The following HEMK2 variants were observed in gnomAD, a reference collection of about 807,000 sequenced individuals.
HEMK2 encodes the protein methyltransferase HEMK2.
At chr21:28,644,015 C>G in the HEMK2 span, among the ~76,000 whole-genome samples, 1 of 152,212 alleles carries the variant, frequency 6.6e-6, no homozygotes, top group Non-Finnish European at 1.5e-5. Context: ...GCAACACTTA[C>G]CTCCCAATTC....
At chr21:28,859,422 T>C in the HEMK2 span, among the ~76,000 whole-genome samples, 13 of 152,296 alleles carry the variant, frequency 8.5e-5, no homozygotes, top group African/African-American at 2.2e-4. Flanking sequence ...GTTTACCAAT[T>C]CAGATGTCAA....
chr21:28,672,725 C>A, the HEMK2 span, among the ~76,000 whole-genome samples: 1 of 152,080 alleles, frequency 6.6e-6, no homozygotes, highest in Non-Finnish European at 1.5e-5. Context: ...TGACTCAAAG[C>A]AACCAAATGC....
chr21:28,712,592 A>G, the HEMK2 span, among the ~76,000 whole-genome samples: 2 of 152,204 alleles, frequency 1.3e-5, no homozygotes, highest in Admixed American at 6.5e-5. Flanking sequence ...AGGCAGAGGA[A>G]CCAACAATCA....
At chr21:28,617,303 A>C in the HEMK2 span, among the ~76,000 whole-genome samples, 951 of 152,348 alleles carry the variant, frequency 6.2e-3, 15 homozygotes, top group African/African-American at 0.022. Context: ...AGAGGGAGGC[A>C]GGGAGAACAG....
chr21:28,588,579 C>T, the HEMK2 span, among the ~76,000 whole-genome samples: 1 of 152,116 alleles, frequency 6.6e-6, no homozygotes, highest in Non-Finnish European at 1.5e-5. Context: ...AGAAGAAAGT[C>T]AGTCGATTGA....
At chr21:28,680,379 T>C in the HEMK2 span, among the ~76,000 whole-genome samples, 4,138 of 152,256 alleles carry the variant, frequency 0.027, 157 homozygotes, top group East Asian at 0.14. Context: ...AATAGATCAA[T>C]AACAGGCTCT....
the HEMK2 span, among the ~76,000 whole-genome samples, chr21:28,698,020 G>T: frequency 3.3e-5 from 5 of 152,134 alleles, no homozygotes; most frequent in African/African-American, 1.2e-4. Flanking sequence ...CATGGAAGAG[G>T]TGAACAAGCT....
the HEMK2 span, among the ~76,000 whole-genome samples, chr21:28,761,446 C>G: frequency 5.1e-4 from 77 of 151,830 alleles, no homozygotes; most frequent in Non-Finnish European, 1.0e-3. Context: ...ATTTGCCAAC[C>G]CTGCTGTAGA....
the HEMK2 span, among the ~76,000 whole-genome samples, chr21:28,879,528 T>C: frequency 6.6e-6 from 1 of 152,356 alleles, no homozygotes; most frequent in African/African-American, 2.4e-5. Flanking sequence ...GCGTGGGCCA[T>C]TGCACTCGGC....
the HEMK2 span, among the ~76,000 whole-genome samples, chr21:28,862,103 C>G: frequency 0.46 from 69,780 of 152,008 alleles, 18,807 homozygotes; most frequent in Non-Finnish European, 0.6. Flanking sequence ...TGAAATCAGT[C>G]TACTACTTCA....
At chr21:28,838,972 A>AAAAAAAATAAATATATATATAT in the HEMK2 span, among the ~76,000 whole-genome samples, 1 of 29,164 alleles carries the variant, frequency 3.4e-5, no homozygotes, top group Non-Finnish European at 5.6e-5. Context: ...AAAAAAAAAA[A>AAAAAAAATAAATATATATATAT]ATATATATAT....
At chr21:28,862,953 T>C in the HEMK2 span, among the ~76,000 whole-genome samples, 1 of 152,126 alleles carries the variant, frequency 6.6e-6, no homozygotes, top group African/African-American at 2.4e-5. Flanking sequence ...ACCTTATTAT[T>C]GCCTTTATTT....
the HEMK2 span, among the ~76,000 whole-genome samples, chr21:28,645,416 T>C: frequency 6.6e-6 from 1 of 152,148 alleles, no homozygotes; most frequent in Non-Finnish European, 1.5e-5. Flanking sequence ...ATACACAAGG[T>C]AAGAATAATT....
chr21:28,669,215 C>T, the HEMK2 span, among the ~76,000 whole-genome samples: 1 of 152,104 alleles, frequency 6.6e-6, no homozygotes, highest in South Asian at 2.1e-4. Context: ...AAAAATTAGC[C>T]AGATGTGGTG....
the HEMK2 span, among the ~76,000 whole-genome samples, chr21:28,680,078 T>A: frequency 4.2e-4 from 64 of 152,120 alleles, no homozygotes; most frequent in African/African-American, 1.5e-3. Context: ...AATAGAGACA[T>A]AAAAAACCCT....
the HEMK2 span, among the ~76,000 whole-genome samples, chr21:28,859,442 T>C: frequency 6.6e-6 from 1 of 152,330 alleles, no homozygotes; most frequent in Non-Finnish European, 1.5e-5. Context: ...ATAATCACCA[T>C]CCTTATCTTA....
At chr21:28,627,653 A>G in the HEMK2 span, among the ~76,000 whole-genome samples, 2 of 152,198 alleles carry the variant, frequency 1.3e-5, no homozygotes, top group South Asian at 4.1e-4. Flanking sequence ...GTATACAGTG[A>G]GGCAGGAGAA....
the HEMK2 span, chr21:28,874,434 T>A: frequency 6.6e-6 from 1 of 152,274 alleles, no homozygotes; most frequent in Admixed American, 6.5e-5. Context: ...GGGAATGGTG[T>A]CATATCAGGG....
At chr21:28,762,055 C>T in the HEMK2 span, among the ~76,000 whole-genome samples, 3 of 152,200 alleles carry the variant, frequency 2.0e-5, no homozygotes, top group Non-Finnish European at 2.9e-5. Context: ...TAATTTGATA[C>T]CCACTCTGGG....
Sources: gnomAD v4.1 joint callset for allele counts (sites outside exome capture counted in the v4.1 genomes callset) on GRCh38, gnomAD v4.1.1 for gene constraint, MANE v1.5 for transcripts, NCBI Gene and HGNC (gene_info 2026-07-23, HGNC 2026-07-21) for gene names.